The following NPFFR2 variants were observed in gnomAD, a reference collection of about 807,000 sequenced individuals.
The protein encoded by NPFFR2 is G-protein coupled receptor 74.
A neutral mutation model predicts 13.1 loss-of-function variants in NPFFR2; 15 were observed. The observed-to-expected ratio is 1.15, with a 90% CI of 0.77 to 1.76. NPFFR2 has a LOEUF of 1.76. Among genes scored for constraint, NPFFR2 ranks in the 40% most tolerant of loss-of-function variants. The pLI is 0.00. For missense variants in NPFFR2, 572 were observed against 503.5 expected, an observed-to-expected ratio of 1.14 and a Z score of -1.30; for synonymous variants, 190 against 175.7, an observed-to-expected ratio of 1.08 and a Z score of -0.65.
At chr4:72,057,271 G>A (rs886279216) in intron 1 of NPFFR2, among the ~76,000 whole-genome samples, 59 of 151,964 alleles carry the variant, frequency 3.9e-4, no homozygotes, top group African/African-American at 1.4e-3. Context: ...GACCATGTGA[G>A]TTTCCTAGGG....
At chr4:72,105,544 A>G (rs1721394465) in intron 1 of NPFFR2, among the ~76,000 whole-genome samples, 1 of 152,008 alleles carries the variant, frequency 6.6e-6, no homozygotes, top group Non-Finnish European at 1.5e-5. Context: ...AATGTAAGGA[A>G]AGATAAAACA....
intron 3 of NPFFR2, among the ~76,000 whole-genome samples, chr4:72,140,538 T>A (rs1157780967): frequency 4.6e-5 from 7 of 152,224 alleles, no homozygotes; most frequent in Non-Finnish European, 5.9e-5. Context: ...TGTCATTGGT[T>A]CTGTTCATGT....
chr4:72,134,166 G>A (rs767605947), intron 2 of NPFFR2, among the ~76,000 whole-genome samples: 1 of 152,032 alleles, frequency 6.6e-6, no homozygotes. Flanking sequence ...TCAGGAAGCT[G>A]AAGCATGATA....
intron 1 of NPFFR2, among the ~76,000 whole-genome samples, chr4:72,093,108 C>A (rs564975730): frequency 4.5e-4 from 68 of 152,230 alleles, no homozygotes; most frequent in African/African-American, 1.6e-3. Context: ...TTAATGGATA[C>A]AAAATTCTTG....
intron 1 of NPFFR2, among the ~76,000 whole-genome samples, chr4:72,032,502 G>T (rs1201563756): frequency 6.6e-6 from 1 of 152,184 alleles, no homozygotes; most frequent in African/African-American, 2.4e-5. Flanking sequence ...CTCCGGGGCT[G>T]TATTGTGTTG....
intron 1 of NPFFR2, among the ~76,000 whole-genome samples, chr4:72,095,953 T>C (rs1246106820): frequency 6.6e-6 from 1 of 152,192 alleles, no homozygotes; most frequent in African/African-American, 2.4e-5. Context: ...TTCTACCTGA[T>C]GTCTAGTGTT....
In NPFFR2 at chr4:72,142,860, A is replaced by G. The variant is rs573806149; in HGVS notation, c.429-4118A>G. On this transcript the variant is annotated intron_variant, in intron 3 of 3. Transcript: ENST00000308744. Reference sequence around the variant, plus strand: ...ACTGGGCTGGGTTGGTAACATCTAAAACAAATTAGAAGTGCTGCCTCAGGA... The same window carrying G: ...ACTGGGCTGGGTTGGTAACATCTAAGACAAATTAGAAGTGCTGCCTCAGGA... Among the ~76,000 whole-genome samples, 6 of 152,330 alleles carry G rather than the reference A, an allele frequency of 3.9e-5. No individual in the cohort carries two copies. In the South Asian group the frequency reaches 1.2e-3, roughly 32 times the overall value.
chr4:72,096,542 G>A (rs1721077612), intron 1 of NPFFR2, among the ~76,000 whole-genome samples: 2 of 151,908 alleles, frequency 1.3e-5, no homozygotes, highest in Admixed American at 1.3e-4. Context: ...CAATTTTGAG[G>A]AGAACACCTA....
intron 1 of NPFFR2, among the ~76,000 whole-genome samples, chr4:72,049,263 T>C (rs990429075): frequency 1.3e-5 from 2 of 152,160 alleles, no homozygotes; most frequent in African/African-American, 2.4e-5. Flanking sequence ...TAGCATCTTT[T>C]GCAATCAATG....
chr4:72,139,899 T>C (rs944980336), intron 3 of NPFFR2, among the ~76,000 whole-genome samples: 1 of 152,182 alleles, frequency 6.6e-6, no homozygotes, highest in Non-Finnish European at 1.5e-5. Context: ...AGCATGAATG[T>C]TCTTCCGTTT....
intron 1 of NPFFR2, among the ~76,000 whole-genome samples, chr4:72,115,422 G>C (rs1353315857): frequency 6.6e-6 from 1 of 152,124 alleles, no homozygotes; most frequent in Non-Finnish European, 1.5e-5. Context: ...TGTGAGGTTT[G>C]ATTATTAGAA....
chr4:72,083,390 A>G (rs1720684539), intron 1 of NPFFR2, among the ~76,000 whole-genome samples: 1 of 152,172 alleles, frequency 6.6e-6, no homozygotes, highest in Non-Finnish European at 1.5e-5. Flanking sequence ...CTTCTGATAG[A>G]TGTGAAGTAG....
chr4:72,113,925 C>G (rs1447082918), intron 1 of NPFFR2, among the ~76,000 whole-genome samples: 1 of 152,000 alleles, frequency 6.6e-6, no homozygotes, highest in Non-Finnish European at 1.5e-5. Context: ...TCCAGGGAGC[C>G]AAGTATTATA....
intron 1 of NPFFR2, among the ~76,000 whole-genome samples, chr4:72,053,037 G>A (rs1275089858): frequency 6.6e-6 from 1 of 151,698 alleles, no homozygotes; most frequent in Non-Finnish European, 1.5e-5. Flanking sequence ...GATATCGTGT[G>A]CCTCCCTAAA....
chr4:72,131,743 A>G lies in NPFFR2; in HGVS notation c.328+2824A>G, dbSNP rs187342991. 3.3e-4 allele frequency among the ~76,000 whole-genome samples: 50 copies of G among 152,328 alleles called. No individual in the cohort carries two copies. In the East Asian group the frequency reaches 7.3e-3, roughly 22 times the overall value. On this transcript the variant is annotated intron_variant, in intron 2 of 3. Transcript: ENST00000308744. The stretch of plus-strand genomic sequence containing the variant: ...TTTTACTAAAAGATTATAAAAAAGC[A>G]TGGAAATGTAAATTTTTGCCTAGGG...
At chr4:72,121,545 C>T (rs1721882142) in intron 1 of NPFFR2, among the ~76,000 whole-genome samples, 1 of 152,158 alleles carries the variant, frequency 6.6e-6, no homozygotes, top group African/African-American at 2.4e-5. Flanking sequence ...AGATTAACAG[C>T]CAATCTCTCT....
At chr4:72,075,593 C>T (rs896204799) in intron 1 of NPFFR2, among the ~76,000 whole-genome samples, 1 of 152,102 alleles carries the variant, frequency 6.6e-6, no homozygotes, top group Admixed American at 6.6e-5. Flanking sequence ...ATCTAACATA[C>T]ATATGTGGAA....
At chr4:72,034,413 GC>G (rs1209137276) in intron 1 of NPFFR2, among the ~76,000 whole-genome samples, 5 of 152,060 alleles carry the variant, frequency 3.3e-5, no homozygotes, top group Admixed American at 1.3e-4. Flanking sequence ...AGGGGGAAAA[GC>G]CCCCTATAAA....
intron 1 of NPFFR2, among the ~76,000 whole-genome samples, chr4:72,123,621 A>G (rs1420258025): frequency 1.3e-5 from 2 of 152,214 alleles, no homozygotes; most frequent in Non-Finnish European, 2.9e-5. Flanking sequence ...ATGTAAATCA[A>G]TCAACGTAAT....
Sources: gnomAD v4.1 joint callset for allele counts (sites outside exome capture counted in the v4.1 genomes callset) on GRCh38, gnomAD v4.1.1 for gene constraint, MANE v1.5 for transcripts, NCBI Gene and HGNC (gene_info 2026-07-23, HGNC 2026-07-21) for gene names.